Variants in GRM7 observed in about 807,000 individuals in gnomAD.
GRM7 encodes the protein metabotropic glutamate receptor 7.
GRM7 carries 35 observed loss-of-function variants against 84.5 expected under a neutral mutation model. That is an observed-to-expected ratio of 0.41 (90% CI 0.32 to 0.55). GRM7 has a LOEUF of 0.55. Among genes scored for constraint, GRM7 ranks in the 20% least tolerant of loss-of-function variants. The pLI is 0.19. For synonymous variants in GRM7, 487 were observed against 455.1 expected (o/e 1.07, Z -0.89); for missense variants, 1,003 against 1,194.6 (o/e 0.84, Z 2.36).
At chr3:7,251,689 C>T (rs1428282209) in intron 2 of GRM7, among the ~76,000 whole-genome samples, 1 of 152,136 alleles carries the variant, frequency 6.6e-6, no homozygotes. Context: ...CATTAACTAC[C>T]AGTCAGTTCA....
At chr3:7,611,274 A>T (rs907170332) in intron 8 of GRM7, among the ~76,000 whole-genome samples, 3 of 152,186 alleles carry the variant, frequency 2.0e-5, no homozygotes, top group Middle Eastern at 3.2e-3. Flanking sequence ...GCTAATAATT[A>T]TTATATGAAA....
intron 1 of GRM7, among the ~76,000 whole-genome samples, chr3:7,015,505 A>C (rs182533770): frequency 4.9e-4 from 75 of 152,366 alleles, no homozygotes; most frequent in African/African-American, 1.8e-3. Context: ...TTGCTACATA[A>C]CAAATTAATG....
intron 1 of GRM7, among the ~76,000 whole-genome samples, chr3:6,998,132 A>AAAAAAAAAAAAAAT (rs1694887431): frequency 6.8e-6 from 1 of 146,102 alleles, no homozygotes; most frequent in Non-Finnish European, 1.5e-5. Flanking sequence ...AAAAAAAAAA[A>AAAAAAAAAAAAAAT]AAAAAAAGCA....
intron 8 of GRM7, among the ~76,000 whole-genome samples, chr3:7,643,631 T>C (rs1252507153): frequency 6.6e-6 from 1 of 152,186 alleles, no homozygotes; most frequent in East Asian, 1.9e-4. Flanking sequence ...TTCTTTTAAA[T>C]GTCAAATGAG....
intron 2 of GRM7, among the ~76,000 whole-genome samples, chr3:7,196,680 T>C (rs558874535): frequency 6.6e-6 from 1 of 152,286 alleles, no homozygotes; most frequent in East Asian, 1.9e-4. Flanking sequence ...ACTTCCAGTC[T>C]TATCAGGCCC....
At chr3:7,680,535 C>T (rs942530824) in intron 9 of GRM7, 1 of 506,710 alleles carries the variant, frequency 2.0e-6, no homozygotes, top group African/African-American at 1.9e-5. Flanking sequence ...GAAGCCTCCC[C>T]CTTCCCTTGC....
chr3:7,395,369 A>G (rs1162589355), intron 4 of GRM7, among the ~76,000 whole-genome samples: 1 of 152,180 alleles, frequency 6.6e-6, no homozygotes, highest in Non-Finnish European at 1.5e-5. Context: ...AATTTAAAAT[A>G]ACTGTTTTAC....
chr3:7,537,824 C>A (rs183824348), intron 7 of GRM7, among the ~76,000 whole-genome samples: 1 of 152,172 alleles, frequency 6.6e-6, no homozygotes, highest in African/African-American at 2.4e-5. Flanking sequence ...GAAAGTCTAT[C>A]GCTTTTGACT....
chr3:7,350,699 T>C (rs1693102218), intron 4 of GRM7, among the ~76,000 whole-genome samples: 3 of 152,148 alleles, frequency 2.0e-5, no homozygotes, highest in Admixed American at 2.0e-4. Context: ...ATATATTACT[T>C]TGGATCTTTT....
intron 6 of GRM7, among the ~76,000 whole-genome samples, chr3:7,455,226 A>T (rs2124896951): frequency 6.6e-6 from 1 of 152,288 alleles, no homozygotes; most frequent in South Asian, 2.1e-4. Context: ...AGCATGATGG[A>T]ATAAAGTTAA....
intron 1 of GRM7, among the ~76,000 whole-genome samples, chr3:6,974,732 T>C (rs1456953048): frequency 2.0e-5 from 3 of 152,210 alleles, no homozygotes; most frequent in Non-Finnish European, 4.4e-5. Context: ...AAAGTTATTT[T>C]GTGAACATAA....
At chr3:7,278,734 A>G (rs966707128) in intron 2 of GRM7, among the ~76,000 whole-genome samples, 5 of 152,202 alleles carry the variant, frequency 3.3e-5, no homozygotes, top group Admixed American at 6.5e-5. Flanking sequence ...GATAAGAACC[A>G]TGATCAAGTA....
At chr3:7,431,013 G>T (rs534921832) in intron 5 of GRM7, among the ~76,000 whole-genome samples, 20 of 152,170 alleles carry the variant, frequency 1.3e-4, no homozygotes, top group Admixed American at 9.2e-4. Flanking sequence ...ACTTGAGGGA[G>T]TTGTGGGGAG....
chr3:7,392,432 A>G (rs749218299), intron 4 of GRM7, among the ~76,000 whole-genome samples: 2 of 152,124 alleles, frequency 1.3e-5, no homozygotes, highest in African/African-American at 2.4e-5. Flanking sequence ...AAGCCCTTCA[A>G]TGTCTGATCT....
intron 8 of GRM7, among the ~76,000 whole-genome samples, chr3:7,636,046 A>G (rs944093332): frequency 6.6e-6 from 1 of 152,198 alleles, no homozygotes; most frequent in Non-Finnish European, 1.5e-5. Flanking sequence ...CACTTTGAAA[A>G]TATGTTATAT....
At chr3:7,644,019 TACAC>T (rs944810085) in intron 8 of GRM7, among the ~76,000 whole-genome samples, 2 of 88,924 alleles carry the variant, frequency 2.2e-5, no homozygotes, top group South Asian at 4.1e-4. Context: ...TATATATATA[TACAC>T]ACACACACAC....
chr3:7,388,638 A>G (rs1694876693), intron 4 of GRM7, among the ~76,000 whole-genome samples: 1 of 151,484 alleles, frequency 6.6e-6, no homozygotes, highest in Non-Finnish European at 1.5e-5. Context: ...TCTGTTCGGG[A>G]TTTCTGTTTA....
At chr3:7,467,019 A>T (rs1208781483) in intron 7 of GRM7, among the ~76,000 whole-genome samples, 1 of 152,204 alleles carries the variant, frequency 6.6e-6, no homozygotes. Flanking sequence ...ATGAACCTGT[A>T]CTTTTTAAAA....
At chr3:6,972,193 T>C (rs868813871) in intron 1 of GRM7, among the ~76,000 whole-genome samples, 1 of 152,170 alleles carries the variant, frequency 6.6e-6, no homozygotes, top group Non-Finnish European at 1.5e-5. Context: ...CTCACTTCAT[T>C]GACGTCAGAA....
Sources: gnomAD v4.1 joint callset for allele counts (sites outside exome capture counted in the v4.1 genomes callset) on GRCh38, gnomAD v4.1.1 for gene constraint, MANE v1.5 for transcripts, NCBI Gene and HGNC (gene_info 2026-07-23, HGNC 2026-07-21) for gene names.